NEO1: variants seen among roughly 807,000 people sequenced by gnomAD.
NEO1 encodes neogenin 1, also known as neogenin.
A neutral mutation model predicts 159.7 loss-of-function variants in NEO1; 63 were observed. The ratio of observed to expected loss-of-function variants is 0.39; its 90% confidence interval spans 0.32 to 0.49. The LOEUF is 0.49. NEO1 is among the 20% of genes least tolerant of loss of function. NEO1 has a pLI of 0.85. For synonymous variants in NEO1, 633 were observed against 662.0 expected (o/e 0.96, Z 0.67); for missense variants, 1,615 against 1,831.0 (o/e 0.88, Z 2.15).
At chr15:73,146,457 G>T (rs1483679253) in intron 5 of NEO1, among the ~76,000 whole-genome samples, 1 of 152,142 alleles carries the variant, frequency 6.6e-6, no homozygotes, top group Non-Finnish European at 1.5e-5. Flanking sequence ...AGGTATTACT[G>T]TATGTTAGAA....
intron 5 of NEO1, among the ~76,000 whole-genome samples, chr15:73,138,916 G>A (rs966739844): frequency 1.3e-5 from 2 of 152,176 alleles, no homozygotes; most frequent in Non-Finnish European, 2.9e-5. Context: ...TATGGCAGAA[G>A]TCATATGTGA....
At chr15:73,271,522 C>T (rs555648287) in intron 18 of NEO1, among the ~76,000 whole-genome samples, 50 of 152,290 alleles carry the variant, frequency 3.3e-4, no homozygotes, top group Non-Finnish European at 6.0e-4. Flanking sequence ...GCTGTAACCT[C>T]AATAGTTGGC....
intron 1 of NEO1, among the ~76,000 whole-genome samples, chr15:73,112,423 A>T (rs2071051779): frequency 6.6e-6 from 1 of 152,100 alleles, no homozygotes; most frequent in African/African-American, 2.4e-5. Context: ...GTATTTTGCC[A>T]TAAAAAATTT....
At chr15:73,151,614 G>A (rs2033375810) in intron 5 of NEO1, among the ~76,000 whole-genome samples, 1 of 152,136 alleles carries the variant, frequency 6.6e-6, no homozygotes, top group African/African-American at 2.4e-5. Flanking sequence ...TCACATGGTG[G>A]CAGGAAGGAG....
chr15:73,302,526 C>A (rs1292620413), intron 28 of NEO1, 87 bp from the exon 29 acceptor site: 2 of 1,225,252 alleles, frequency 1.6e-6, no homozygotes, highest in Non-Finnish European at 2.3e-6. Flanking sequence ...TGACTACTGA[C>A]CACATGAGGC....
At chr15:73,066,018 ATTTC>A (rs907273350) in intron 1 of NEO1, among the ~76,000 whole-genome samples, 8 of 143,800 alleles carry the variant, frequency 5.6e-5, no homozygotes, top group African/African-American at 2.0e-4. Context: ...ATTTCTTTTT[ATTTC>A]TTTCTTTCTT....
chr15:73,056,718 C>T (rs1056283123), intron 1 of NEO1, among the ~76,000 whole-genome samples: 1 of 152,150 alleles, frequency 6.6e-6, no homozygotes, highest in African/African-American at 2.4e-5. Context: ...ATCCTTAATT[C>T]CTTCAGCCAC....
intron 7 of NEO1, among the ~76,000 whole-genome samples, chr15:73,183,043 G>A (rs537202632): frequency 3.3e-5 from 5 of 152,328 alleles, no homozygotes; most frequent in African/African-American, 9.6e-5. Context: ...AATTTGGAAT[G>A]TCTGGGGGCC....
intron 16 of NEO1, among the ~76,000 whole-genome samples, chr15:73,266,875 A>G (rs1369737835): frequency 6.6e-6 from 1 of 152,230 alleles, no homozygotes; most frequent in Non-Finnish European, 1.5e-5. Flanking sequence ...GCTTGAGTAT[A>G]AGGTCAGAGG....
intron 7 of NEO1, among the ~76,000 whole-genome samples, chr15:73,188,211 A>G (rs1468420145): frequency 6.6e-6 from 1 of 152,188 alleles, no homozygotes; most frequent in African/African-American, 2.4e-5. Flanking sequence ...AGTATTTAAA[A>G]AAAAAAAGAC....
intron 1 of NEO1, among the ~76,000 whole-genome samples, chr15:73,090,887 A>G (rs1053919803): frequency 6.6e-6 from 1 of 152,206 alleles, no homozygotes; most frequent in East Asian, 1.9e-4. Context: ...TAGATGTTTT[A>G]TATGTGCTAA....
chr15:73,170,211 C>G (rs1162897727), intron 5 of NEO1, among the ~76,000 whole-genome samples: 2 of 152,014 alleles, frequency 1.3e-5, no homozygotes, highest in Non-Finnish European at 2.9e-5. Context: ...TGCAAAAAAT[C>G]TTTGGTTGTT....
intron 5 of NEO1, among the ~76,000 whole-genome samples, chr15:73,138,839 G>C (rs1354972334): frequency 6.6e-6 from 1 of 152,036 alleles, no homozygotes; most frequent in Non-Finnish European, 1.5e-5. Context: ...TCCTTCTATA[G>C]AGTGGTGGGG....
chr15:73,197,938 C>T (rs1016534719), intron 7 of NEO1, among the ~76,000 whole-genome samples: 1 of 152,120 alleles, frequency 6.6e-6, no homozygotes, highest in African/African-American at 2.4e-5. Flanking sequence ...GCCTCAGCCT[C>T]CCTAAGTACT....
chr15:73,073,848 G>A (rs1237184547), intron 1 of NEO1, among the ~76,000 whole-genome samples: 1 of 152,152 alleles, frequency 6.6e-6, no homozygotes, highest in Non-Finnish European at 1.5e-5. Context: ...TATGGGAATA[G>A]TATTGTTTTC....
chr15:73,077,601 TTAGCAAAAAC>T (rs1450935057), intron 1 of NEO1, among the ~76,000 whole-genome samples: 4 of 152,200 alleles, frequency 2.6e-5, no homozygotes, highest in African/African-American at 9.6e-5. Context: ...TTAACTGTGT[TTAGCAAAAAC>T]TAATTATGAT....
At chr15:73,247,673 T>C (rs1029152671) in intron 9 of NEO1, among the ~76,000 whole-genome samples, 12 of 152,360 alleles carry the variant, frequency 7.9e-5, no homozygotes, top group Admixed American at 7.8e-4. Flanking sequence ...TGTTAGCTTT[T>C]TTTCCCTTCC....
intron 5 of NEO1, among the ~76,000 whole-genome samples, chr15:73,144,587 C>T (rs943533780): frequency 1.3e-5 from 2 of 152,144 alleles, no homozygotes; most frequent in African/African-American, 4.8e-5. Flanking sequence ...TAGTGTTCCA[C>T]CGAGTTCTGT....
intron 7 of NEO1, among the ~76,000 whole-genome samples, chr15:73,213,522 T>G (rs1334917461): frequency 6.6e-6 from 1 of 152,202 alleles, no homozygotes; most frequent in Non-Finnish European, 1.5e-5. Context: ...ATTTGATGTT[T>G]GGTTTTCCAT....
Sources: allele counts gnomAD v4.1 joint callset (sites outside exome capture counted in the v4.1 genomes callset), GRCh38; gene constraint gnomAD v4.1.1; transcripts MANE v1.5; gene names NCBI Gene and HGNC (gene_info 2026-07-23, HGNC 2026-07-21).